The following GRIP1 variants were observed in gnomAD, a reference collection of about 807,000 sequenced individuals.
GRIP1 encodes the protein glutamate receptor interacting protein 1, also known as glutamate receptor-interacting protein 1.
A neutral mutation model predicts 129.9 loss-of-function variants in GRIP1; 45 were observed. That is an observed-to-expected ratio of 0.35 (90% CI 0.27 to 0.44). GRIP1 has a LOEUF of 0.44. GRIP1 is among the 20% of genes least tolerant of loss of function. GRIP1 has a pLI of 1.00. For missense variants in GRIP1, 1,196 were observed against 1,396.8 expected (o/e 0.86, Z 2.29); for synonymous variants, 530 against 520.8 (o/e 1.02, Z -0.24).
intron 1 of GRIP1, among the ~76,000 whole-genome samples, chr12:66,923,480 CCCT>C (rs1019410801): frequency 6.6e-6 from 1 of 152,198 alleles, no homozygotes; most frequent in Non-Finnish European, 1.5e-5. Context: ...CATCACCTCA[CCCT>C]CCTACTCAAC....
At chr12:66,698,872 C>T (rs1302551423) in intron 1 of GRIP1, among the ~76,000 whole-genome samples, 1 of 152,218 alleles carries the variant, frequency 6.6e-6, no homozygotes. Context: ...ACTGTTCCTA[C>T]TGTATGATTG....
chr12:66,930,105 CT>C (rs201467691), intron 1 of GRIP1, among the ~76,000 whole-genome samples: 2,879 of 130,742 alleles, frequency 0.022, 44 homozygotes, highest in Non-Finnish European at 0.032. Flanking sequence ...CCTTTATACT[CT>C]TTTTTTTTTA....
At chr12:66,900,183 C>T (rs575670559) in intron 1 of GRIP1, among the ~76,000 whole-genome samples, 149 of 152,242 alleles carry the variant, frequency 9.8e-4, no homozygotes, top group African/African-American at 3.5e-3. Context: ...TGTGATTAGG[C>T]TTGTCTGTAT....
At chr12:66,402,151 C>T (rs1402661461) in intron 16 of GRIP1, among the ~76,000 whole-genome samples, 1 of 152,196 alleles carries the variant, frequency 6.6e-6, no homozygotes, top group Admixed American at 6.5e-5. Flanking sequence ...CCCTTCGAGA[C>T]CAAGGTTGTT....
intron 1 of GRIP1, among the ~76,000 whole-genome samples, chr12:66,672,812 T>C (rs1439077513): frequency 6.6e-6 from 1 of 152,168 alleles, no homozygotes; most frequent in Non-Finnish European, 1.5e-5. Flanking sequence ...TAGTAGAAAA[T>C]TAAATCATTT....
intron 1 of GRIP1, among the ~76,000 whole-genome samples, chr12:67,060,198 T>G (rs930150797): frequency 1.3e-5 from 2 of 152,222 alleles, no homozygotes; most frequent in African/African-American, 2.4e-5. Flanking sequence ...GGACTTCCCA[T>G]GTAAATGATG....
chr12:66,367,046 A>T (rs991592627), intron 23 of GRIP1, among the ~76,000 whole-genome samples: 1 of 152,186 alleles, frequency 6.6e-6, no homozygotes, highest in Admixed American at 6.6e-5. Context: ...TCTACAAAAA[A>T]TCGTTCTGCC....
chr12:66,487,783 A>T (rs1377020341), intron 7 of GRIP1, among the ~76,000 whole-genome samples: 1 of 152,218 alleles, frequency 6.6e-6, no homozygotes, highest in African/African-American at 2.4e-5. Context: ...AAAGGGATGG[A>T]GGAAAAGTTA....
intron 7 of GRIP1, among the ~76,000 whole-genome samples, chr12:66,475,090 T>C (rs917670797): frequency 2.0e-5 from 3 of 152,046 alleles, no homozygotes; most frequent in Non-Finnish European, 4.4e-5. Flanking sequence ...ACCCATCTCA[T>C]GTGCAGAGAC....
intron 4 of GRIP1, among the ~76,000 whole-genome samples, chr12:66,531,035 G>A (rs192481589): frequency 1.3e-5 from 2 of 151,800 alleles, no homozygotes; most frequent in African/African-American, 4.8e-5. Flanking sequence ...AGGAATTCAA[G>A]GCCAGCCTGG....
At chr12:66,622,357 T>C (rs1207164726) in intron 1 of GRIP1, among the ~76,000 whole-genome samples, 1 of 152,086 alleles carries the variant, frequency 6.6e-6, no homozygotes, top group African/African-American at 2.4e-5. Context: ...AGATCTAGTA[T>C]TTGATAGCAC....
intron 1 of GRIP1, among the ~76,000 whole-genome samples, chr12:66,979,237 A>C (rs866629766): frequency 1.9e-3 from 206 of 108,278 alleles, no homozygotes; most frequent in South Asian, 4.6e-3. Context: ...AAAAAAAAAA[A>C]AAAAAAAAAA....
At chr12:67,047,232 G>C (rs1395154530) in intron 1 of GRIP1, among the ~76,000 whole-genome samples, 1 of 152,104 alleles carries the variant, frequency 6.6e-6, no homozygotes, top group Non-Finnish European at 1.5e-5. Context: ...TATTTAAACA[G>C]AATTTTGCAA....
intron 1 of GRIP1, among the ~76,000 whole-genome samples, chr12:66,852,990 C>G (rs1220581297): frequency 6.6e-6 from 1 of 151,786 alleles, no homozygotes; most frequent in African/African-American, 2.4e-5. Context: ...GTAAAACATG[C>G]CAAGCTAGCA....
chr12:66,486,884 G>C (rs1240127039), intron 7 of GRIP1, among the ~76,000 whole-genome samples: 2 of 151,862 alleles, frequency 1.3e-5, no homozygotes, highest in African/African-American at 2.4e-5. Context: ...TCGAACTCCT[G>C]GGCTCAAGTG....
chr12:66,783,918 G>A (rs1321512389), intron 1 of GRIP1, among the ~76,000 whole-genome samples: 1 of 152,160 alleles, frequency 6.6e-6, no homozygotes, highest in Admixed American at 6.5e-5. Context: ...CATTTAAGAA[G>A]TGCAGGCTCA....
At chr12:67,020,487 A>G (rs2042849477) in intron 1 of GRIP1, among the ~76,000 whole-genome samples, 1 of 152,174 alleles carries the variant, frequency 6.6e-6, no homozygotes, top group African/African-American at 2.4e-5. Context: ...AGCTCACTGC[A>G]GTCTTGGACT....
rs2056631600 is a variant in GRIP1 at position 66,392,522 on chromosome 12, G to A, written c.2270-20C>T. On this transcript the variant is annotated intron_variant, in intron 18 of 24. Coordinates refer to ENST00000359742, the MANE Select transcript of GRIP1 (RefSeq NM_001366722.1). Reference sequence around the variant, plus strand: ...ACTGGGCTTTATAGACAGGAAAGGAGTTTAAGTATCAGAGTAAATTTAAAT... The same window carrying A: ...ACTGGGCTTTATAGACAGGAAAGGAATTTAAGTATCAGAGTAAATTTAAAT... 2.5e-6 allele frequency: 4 copies of A among 1,608,730 alleles called. No individual in the cohort carries two copies. The highest frequency in any genetic ancestry group is 3.4e-6 in the Non-Finnish European group (4 of 1,175,162).
At chr12:66,513,816 A>G (rs1038265342) in intron 7 of GRIP1, among the ~76,000 whole-genome samples, 2 of 152,136 alleles carry the variant, frequency 1.3e-5, no homozygotes, top group African/African-American at 4.8e-5. Context: ...AAGAAGGCAA[A>G]CAGGTAGGGA....
Sources: gnomAD v4.1 joint callset for allele counts (sites outside exome capture counted in the v4.1 genomes callset) on GRCh38, gnomAD v4.1.1 for gene constraint, MANE v1.5 for transcripts, NCBI Gene and HGNC (gene_info 2026-07-23, HGNC 2026-07-21) for gene names.